GRIK1: variants seen among roughly 807,000 people sequenced by gnomAD.
GRIK1 encodes the protein glutamate ionotropic receptor kainate type subunit 1, also known as glutamate receptor ionotropic, kainate 1.
Under a neutral mutation model 105.7 loss-of-function variants are expected in GRIK1, and 69 were observed. That is an observed-to-expected ratio of 0.65 (90% CI 0.54 to 0.80). GRIK1 has a LOEUF of 0.80. GRIK1 is among the 30% of genes least tolerant of loss of function. GRIK1 has a pLI of 0.00. For missense variants in GRIK1, 1,109 were observed against 1,167.3 expected (o/e 0.95, Z 0.73); for synonymous variants, 438 against 431.3 (o/e 1.02, Z -0.19).
At chr21:29,904,099 G>A (rs2070514499) in intron 1 of GRIK1, among the ~76,000 whole-genome samples, 1 of 152,048 alleles carries the variant, frequency 6.6e-6, no homozygotes, top group Non-Finnish European at 1.5e-5. Flanking sequence ...ACAGGGAGGG[G>A]AACATCACAC....
intron 4 of GRIK1, among the ~76,000 whole-genome samples, chr21:29,663,463 T>C (rs990810147): frequency 2.0e-5 from 3 of 152,176 alleles, no homozygotes; most frequent in African/African-American, 7.2e-5. Flanking sequence ...AACTCACAGT[T>C]CTTCTTCTGT....
chr21:29,908,449 A>G (rs1483507329), intron 1 of GRIK1, among the ~76,000 whole-genome samples: 2 of 152,146 alleles, frequency 1.3e-5, no homozygotes, highest in African/African-American at 2.4e-5. Context: ...GAGCTGGCCA[A>G]ATCTTCAGCA....
At chr21:29,597,454 C>A (rs2146314434) in intron 8 of GRIK1, 1 of 246,810 alleles carries the variant, frequency 4.1e-6, no homozygotes, top group Non-Finnish European at 9.0e-6. Flanking sequence ...CAGTGCTATA[C>A]ATAAGAGGAG....
chr21:29,565,806 A>G (rs1286118679), intron 14 of GRIK1, among the ~76,000 whole-genome samples: 2 of 152,162 alleles, frequency 1.3e-5, no homozygotes, highest in African/African-American at 4.8e-5. Flanking sequence ...ACATAAGGAG[A>G]TGCTTCAACC....
chr21:29,901,994 A>G (rs1433134717), intron 1 of GRIK1, among the ~76,000 whole-genome samples: 1 of 152,244 alleles, frequency 6.6e-6, no homozygotes, highest in Non-Finnish European at 1.5e-5. Flanking sequence ...GGTTCAACAT[A>G]CACAAATTAA....
At chr21:29,732,065 C>T (rs542319487) in intron 1 of GRIK1, among the ~76,000 whole-genome samples, 4 of 152,258 alleles carry the variant, frequency 2.6e-5, no homozygotes, top group South Asian at 4.1e-4. Context: ...GAAATCCTTG[C>T]GTAATTCTTT....
chr21:29,646,287 G>C (rs1315685643), intron 6 of GRIK1, among the ~76,000 whole-genome samples: 1 of 152,112 alleles, frequency 6.6e-6, no homozygotes, highest in African/African-American at 2.4e-5. Flanking sequence ...CCAAGGCTTG[G>C]GTGAGCTTCC....
intron 1 of GRIK1, among the ~76,000 whole-genome samples, chr21:29,776,780 G>A (rs961946555): frequency 4.6e-5 from 7 of 152,186 alleles, no homozygotes; most frequent in Middle Eastern, 3.2e-3. Flanking sequence ...GGTCATGTTA[G>A]CCAGTAATCT....
intron 1 of GRIK1, among the ~76,000 whole-genome samples, chr21:29,860,727 A>T (rs1005572992): frequency 1.3e-5 from 2 of 152,156 alleles, no homozygotes; most frequent in East Asian, 1.9e-4. Flanking sequence ...TTATATATTT[A>T]AAAAAATTTA....
chr21:29,825,175 G>A (rs1016841944), intron 1 of GRIK1, among the ~76,000 whole-genome samples: 3 of 151,968 alleles, frequency 2.0e-5, no homozygotes, highest in Non-Finnish European at 4.4e-5. Context: ...TGTGTTTCTT[G>A]GATTCTTGTT....
intron 1 of GRIK1, among the ~76,000 whole-genome samples, chr21:29,885,034 C>G (rs929980831): frequency 3.3e-5 from 5 of 151,954 alleles, no homozygotes; most frequent in African/African-American, 1.2e-4. Context: ...TTTTAGGTCT[C>G]CTTGAGTAAA....
chr21:29,892,071 C>T (rs1052340576), intron 1 of GRIK1, among the ~76,000 whole-genome samples: 5 of 152,126 alleles, frequency 3.3e-5, no homozygotes, highest in East Asian at 1.9e-4. Context: ...AAAGGTGATG[C>T]TGGAATAATT....
chr21:29,723,580 T>G (rs2064378642), intron 1 of GRIK1, among the ~76,000 whole-genome samples: 1 of 152,246 alleles, frequency 6.6e-6, no homozygotes, highest in Non-Finnish European at 1.5e-5. Flanking sequence ...TTGCTTTGTC[T>G]TGTTTTAATA....
chr21:29,860,364 G>A (rs1256381201), intron 1 of GRIK1, among the ~76,000 whole-genome samples: 2 of 152,186 alleles, frequency 1.3e-5, no homozygotes, highest in African/African-American at 4.8e-5. Context: ...CAAGACAAGG[G>A]CAAGGAAGAA....
intron 1 of GRIK1, among the ~76,000 whole-genome samples, chr21:29,803,185 T>C (rs1010439763): frequency 3.3e-5 from 5 of 152,180 alleles, no homozygotes; most frequent in Non-Finnish European, 7.4e-5. Flanking sequence ...GGCTGTTCCA[T>C]GTTCTTCTAT....
intron 1 of GRIK1, among the ~76,000 whole-genome samples, chr21:29,750,337 C>G (rs944000030): frequency 2.0e-5 from 3 of 148,518 alleles, no homozygotes; most frequent in African/African-American, 7.4e-5. Flanking sequence ...TTTGCCAACT[C>G]CAACTCTGGA....
At chr21:29,866,119 T>C (rs1179561777) in intron 1 of GRIK1, among the ~76,000 whole-genome samples, 4 of 152,166 alleles carry the variant, frequency 2.6e-5, no homozygotes, top group African/African-American at 9.7e-5. Context: ...CAAGCTGAAA[T>C]TCAGTGGCAC....
At chr21:29,814,954 C>T (rs956440815) in intron 1 of GRIK1, among the ~76,000 whole-genome samples, 1 of 152,134 alleles carries the variant, frequency 6.6e-6, no homozygotes, top group African/African-American at 2.4e-5. Flanking sequence ...GGTCACTTTA[C>T]CTCTCTGGAC....
intron 4 of GRIK1, among the ~76,000 whole-genome samples, chr21:29,661,974 A>G (rs938217747): frequency 6.6e-6 from 1 of 152,200 alleles, no homozygotes; most frequent in African/African-American, 2.4e-5. Flanking sequence ...TGATGTATAA[A>G]TCCAGCCCCT....
Sources: allele counts gnomAD v4.1 joint callset (sites outside exome capture counted in the v4.1 genomes callset), GRCh38; gene constraint gnomAD v4.1.1; transcripts MANE v1.5; gene names NCBI Gene and HGNC (gene_info 2026-07-23, HGNC 2026-07-21).